THSD7B: variants seen among roughly 807,000 people sequenced by gnomAD.
THSD7B encodes thrombospondin type-1 domain-containing protein 7B.
THSD7B carries 138 observed loss-of-function variants against 213.6 expected under a neutral mutation model. That is an observed-to-expected ratio of 0.65 (90% CI 0.56 to 0.74). THSD7B has a LOEUF of 0.74. THSD7B is among the 30% of genes least tolerant of loss of function. The probability of loss-of-function intolerance (pLI) is 0.00; values close to 1 mark genes in which losing one functional copy is unlikely to be tolerated. For synonymous variants in THSD7B, 742 were observed against 687.0 expected (o/e 1.08, Z -1.25); for missense variants, 1,931 against 1,991.5 (o/e 0.97, Z 0.58).
At chr2:137,673,162 G>T (rs1298076231) in intron 27 of THSD7B, among the ~76,000 whole-genome samples, 3 of 152,214 alleles carry the variant, frequency 2.0e-5, no homozygotes, top group Non-Finnish European at 2.9e-5. Flanking sequence ...TCCTTGCTGA[G>T]AAGTGCCAGA....
At chr2:137,643,314 T>A (rs1382881506) in intron 21 of THSD7B, among the ~76,000 whole-genome samples, 1 of 152,240 alleles carries the variant, frequency 6.6e-6, no homozygotes, top group Non-Finnish European at 1.5e-5. Flanking sequence ...TTAGTTCATG[T>A]TCCAAAGCAT....
intron 7 of THSD7B, among the ~76,000 whole-genome samples, chr2:137,179,346 T>C (rs1413733187): frequency 6.6e-6 from 1 of 152,140 alleles, no homozygotes; most frequent in Non-Finnish European, 1.5e-5. Context: ...TATTTTAAAG[T>C]GGTATTTTGC....
At position 137,579,736 on chromosome 2, in the gene THSD7B, G is replaced by A. The variant is rs144907226; in HGVS notation, c.3423+7180G>A. Among the ~76,000 whole-genome samples the A allele has an allele frequency of 9.4e-3, 1,431 of 152,224 alleles. 19 individuals are homozygous for A. Among genetic ancestry groups the A allele is most frequent in the African/African-American group, 0.033 (1,358 of 41,532 alleles). On this transcript the variant is annotated intron_variant, in intron 17 of 27. Transcript: ENST00000409968. ...ATCAAGTTCCAATTTACCCATTGCT[G>A]ATTTGGAATTCAGTACTTTCAAGTC...
intron 12 of THSD7B, among the ~76,000 whole-genome samples, chr2:137,331,247 C>G (rs1274007970): frequency 6.7e-6 from 1 of 149,910 alleles, no homozygotes; most frequent in Admixed American, 6.7e-5. Context: ...AAGGCCCCAC[C>G]AGAGCAGCTA....
At chr2:137,404,578 A>ATG (rs1181525389) in intron 12 of THSD7B, among the ~76,000 whole-genome samples, 1 of 148,508 alleles carries the variant, frequency 6.7e-6, no homozygotes, top group Non-Finnish European at 1.5e-5. Flanking sequence ...CTATATATAT[A>ATG]CACAGATACT....
At chr2:136,820,675 T>A (rs773595002) in intron 1 of THSD7B, among the ~76,000 whole-genome samples, 2 of 152,180 alleles carry the variant, frequency 1.3e-5, no homozygotes, top group Non-Finnish European at 2.9e-5. Flanking sequence ...CTGGAAGACT[T>A]AGAATATGGA....
intron 13 of THSD7B, among the ~76,000 whole-genome samples, chr2:137,409,255 C>A (rs945682357): frequency 6.6e-6 from 1 of 152,192 alleles, no homozygotes; most frequent in African/African-American, 2.4e-5. Flanking sequence ...TTGGAGAAAT[C>A]TGCTGTAATT....
intron 4 of THSD7B, among the ~76,000 whole-genome samples, chr2:137,098,150 T>C (rs1209107850): frequency 1.3e-5 from 2 of 152,234 alleles, no homozygotes; most frequent in Non-Finnish European, 2.9e-5. Flanking sequence ...AAGCAAGTCA[T>C]GTGCATCAAG....
At chr2:136,907,144 C>T (rs7589115) in intron 2 of THSD7B, among the ~76,000 whole-genome samples, 27,930 of 151,422 alleles carry the variant, frequency 0.18, 3,554 homozygotes, top group East Asian at 0.64. Flanking sequence ...GGGATTTCGC[C>T]TTGTTTGCCA....
chr2:136,890,472 C>T (rs184536001), intron 2 of THSD7B, among the ~76,000 whole-genome samples: 490 of 996 alleles, frequency 0.49, 234 homozygotes, highest in Non-Finnish European at 0.69. Flanking sequence ...CCTTTCTTCT[C>T]CTTTCTTCTC....
At chr2:137,272,773 AT>A in intron 11 of THSD7B, 111 bp downstream of exon 11, 1 of 1,132,076 alleles carries the variant, frequency 8.8e-7, no homozygotes, top group Non-Finnish European at 1.3e-6. Flanking sequence ...GGGATCTGAC[AT>A]TTACATATCT....
chr2:137,059,384 T>G (rs1220151772), intron 3 of THSD7B, among the ~76,000 whole-genome samples: 2 of 152,162 alleles, frequency 1.3e-5, no homozygotes, highest in African/African-American at 4.8e-5. Flanking sequence ...TTACTGTTAA[T>G]AAAGACTATA....
At chr2:136,993,308 C>T (rs1433469667) in intron 2 of THSD7B, among the ~76,000 whole-genome samples, 1 of 152,154 alleles carries the variant, frequency 6.6e-6, no homozygotes, top group Non-Finnish European at 1.5e-5. Context: ...CCAGTGTGCT[C>T]CTTTCCTCCT....
chr2:137,169,721 AAGGTAGACGTAGCCTTTAG>A (rs1006193950), intron 6 of THSD7B, among the ~76,000 whole-genome samples: 18 of 152,212 alleles, frequency 1.2e-4, no homozygotes, highest in Non-Finnish European at 2.2e-4. Context: ...AGATCCACAA[AAGGTAGACGTAGCCTTTAG>A]AAGTGGTATA....
chr2:137,068,872 T>C (rs1380866480), intron 3 of THSD7B, among the ~76,000 whole-genome samples: 2 of 152,086 alleles, frequency 1.3e-5, no homozygotes, highest in Non-Finnish European at 1.5e-5. Flanking sequence ...TTTACTTCTA[T>C]AATGTAAACT....
chr2:137,202,997 G>C (rs1680910259), intron 7 of THSD7B, among the ~76,000 whole-genome samples: 1 of 151,680 alleles, frequency 6.6e-6, no homozygotes, highest in Non-Finnish European at 1.5e-5. Flanking sequence ...ACAAATAAGA[G>C]ATGGATAGAA....
chr2:136,885,742 A>G (rs1487618994), intron 2 of THSD7B, among the ~76,000 whole-genome samples: 2 of 152,186 alleles, frequency 1.3e-5, no homozygotes, highest in Non-Finnish European at 2.9e-5. Flanking sequence ...TGTGTCAAGC[A>G]TTGTTACAAG....
intron 15 of THSD7B, among the ~76,000 whole-genome samples, chr2:137,515,463 TC>T (rs1291198231): frequency 6.6e-6 from 1 of 151,956 alleles, no homozygotes; most frequent in Non-Finnish European, 1.5e-5. Context: ...TAAACTAAAA[TC>T]CCACCAGGCT....
At chr2:137,665,968 A>G (rs1047963189) in intron 26 of THSD7B, among the ~76,000 whole-genome samples, 2 of 152,188 alleles carry the variant, frequency 1.3e-5, no homozygotes, top group Non-Finnish European at 1.5e-5. Flanking sequence ...AGATGCTTGC[A>G]TATACAGAGA....
Sources: allele counts gnomAD v4.1 joint callset (sites outside exome capture counted in the v4.1 genomes callset), GRCh38; gene constraint gnomAD v4.1.1; transcripts MANE v1.5; gene names NCBI Gene and HGNC (gene_info 2026-07-23, HGNC 2026-07-21).